GSE1: variants seen among roughly 807,000 people sequenced by gnomAD.
GSE1 encodes the protein Gse1 coiled-coil protein, also known as genetic suppressor element 1.
GSE1 carries 32 observed loss-of-function variants against 112.6 expected under a neutral mutation model. That is an observed-to-expected ratio of 0.28 (90% CI 0.21 to 0.38). The LOEUF (loss-of-function observed/expected upper bound fraction) is 0.38. Among genes scored for constraint, GSE1 ranks in the 10% least tolerant of loss-of-function variants. The pLI is 1.00. For missense variants in GSE1, 2,348 were observed against 1,699.2 expected (o/e 1.38, Z -6.71); for synonymous variants, 1,115 against 735.6 (o/e 1.52, Z -8.35).
chr16:85,526,556 G>A (rs1342005279), intron 2 of GSE1, among the ~76,000 whole-genome samples: 1 of 152,238 alleles, frequency 6.6e-6, no homozygotes, highest in African/African-American at 2.4e-5. Flanking sequence ...AGCCGGGCAG[G>A]CCAAAGGGAC....
At chr16:85,231,494 G>A (rs1314896927) in intron 1 of GSE1, among the ~76,000 whole-genome samples, 1 of 152,200 alleles carries the variant, frequency 6.6e-6, no homozygotes, top group Admixed American at 6.5e-5. Context: ...ATGGATGGAC[G>A]GAGGGATGGA....
In GSE1 at chr16:85,617,607, C is replaced by T. The variant is rs956904397; in HGVS notation, c.7+4209C>T. 1.2e-4 allele frequency among the ~76,000 whole-genome samples: 14 copies of T among 112,220 alleles called. 2 individuals carry two copies. The highest frequency in any genetic ancestry group is 7.4e-4 in the East Asian group (3 of 4,048). 73.6% of individuals were successfully genotyped at this position (112,220 alleles called of 152,430 possible). ...CCGTGTGTCAACCCTCCCCCCCCCC[C>T]CCCCGTTAACTGCCACGTGCAGCCC... is the stretch of plus-strand genomic sequence containing the variant. On this transcript the variant is annotated intron_variant, in intron 1 of 15. Transcript: ENST00000253458.
Position 85,539,984 on chromosome 16 carries a change from C to T in GSE1, c.2465-93930C>T, listed in dbSNP as rs1049382999. On this transcript the variant is annotated intron_variant, in intron 2 of 2. Transcript: ENST00000637419. ...ATGATTTCCTCTTCTCTGCAGACAG[C>T]TGCAGGCTCGTCTTTTATTTTATAT... Among the ~76,000 whole-genome samples the T allele has an allele frequency of 2.6e-5, 4 of 152,322 alleles. No individual in the cohort carries two copies. In the East Asian group the frequency reaches 7.7e-4, roughly 29 times the overall value.
upstream of GSE1, chr16:85,611,411 C>G (rs2151536427): frequency 1.0e-6 from 1 of 960,020 alleles, no homozygotes. Context: ...GCCGAGCCAC[C>G]GTGTGGTGCG....
chr16:85,181,684 G>C (rs1470261148), intron 1 of GSE1, among the ~76,000 whole-genome samples: 1 of 152,222 alleles, frequency 6.6e-6, no homozygotes, highest in Non-Finnish European at 1.5e-5. Flanking sequence ...TTGTGTGGGG[G>C]AGTGACAGTG....
intron 1 of GSE1, among the ~76,000 whole-genome samples, chr16:85,312,328 C>T (rs780495475): frequency 5.3e-5 from 8 of 151,968 alleles, no homozygotes; most frequent in Non-Finnish European, 7.4e-5. Context: ...CACGGTTCTG[C>T]AGGCCAGGAG....
In GSE1 at chr16:85,634,562, T is replaced by A. The variant is rs531831374; in HGVS notation, c.226+430T>A. ...TCCAGAAGTGGCAGAGAACATGGTGTCCCTGGAAACACAGTGGTCTGGAGC... is the reference window on the plus strand; with the variant it reads ...TCCAGAAGTGGCAGAGAACATGGTGACCCTGGAAACACAGTGGTCTGGAGC... On this transcript the variant is annotated intron_variant, in intron 2 of 15. Coordinates refer to ENST00000253458, the MANE Select transcript of GSE1 (RefSeq NM_014615.5). Among the ~76,000 whole-genome samples, 89 of 152,234 alleles carry A rather than the reference T, an allele frequency of 5.8e-4. 1 individual carries two copies. The South Asian group carries it at 0.018, about 30-fold the overall frequency.
rs560061724 is a variant in GSE1, at chr16:85,356,112, G to A, written c.2284-1351G>A. ...CCTGCAGTGTGGACTGAGTTCATCCGTATAGTTATAACTGGTAGTTGGTCA... is the reference window on the plus strand; with the variant it reads ...CCTGCAGTGTGGACTGAGTTCATCCATATAGTTATAACTGGTAGTTGGTCA... On this transcript the variant is annotated intron_variant, in intron 1 of 2. Coordinates refer to the GSE1 transcript ENST00000637419. 5.3e-4 allele frequency among the ~76,000 whole-genome samples: 80 copies of A among 152,336 alleles called. 1 individual carries two copies. Among genetic ancestry groups the A allele is most frequent in the East Asian group, 1.5e-3 (8 of 5,190 alleles).
At chr16:85,263,731 C>A (rs1324186588) in intron 1 of GSE1, among the ~76,000 whole-genome samples, 1 of 152,124 alleles carries the variant, frequency 6.6e-6, no homozygotes, top group Non-Finnish European at 1.5e-5. Context: ...GGACACCACA[C>A]CCAGCTAATT....
chr16:85,231,279 A>G (rs190552409), intron 1 of GSE1, among the ~76,000 whole-genome samples: 7 of 151,372 alleles, frequency 4.6e-5, no homozygotes, highest in South Asian at 4.2e-4. Context: ...AGATGAATGG[A>G]TGGATGAAAG....
intron 2 of GSE1, among the ~76,000 whole-genome samples, chr16:85,515,337 C>T (rs561302742): frequency 6.6e-6 from 1 of 152,350 alleles, no homozygotes; most frequent in African/African-American, 2.4e-5. Flanking sequence ...CCTGAGGCTC[C>T]TCCTGCCAGC....
Position 85,654,878 on chromosome 16 carries a change from C to G in GSE1, c.684C>G (p.Thr228=), listed in dbSNP as rs142285041. 2.5e-6 allele frequency: 4 copies of G among 1,611,312 alleles called. No homozygotes were observed. In the African/African-American group the frequency reaches 4.0e-5, roughly 16 times the overall value. ...GAAGCTTCCGGCCCTACCACACCAC[C>G]GACGACCTCCGCATGTCCTCACTGC... ...YLRSFRPYHT[T]DDLRMSSLPP... The change falls in exon 5 of 16, where the codon ACC becomes ACG. Residue 228 remains threonine, a synonymous_variant. Coordinates refer to ENST00000253458, the MANE Select transcript of GSE1 (RefSeq NM_014615.5).
intron 5 of GSE1, 103 bp downstream of exon 5, chr16:85,655,094 C>T: frequency 1.3e-6 from 1 of 791,038 alleles, no homozygotes. Flanking sequence ...AGCCAGGCTC[C>T]TAGGGGAGGG....
intron 2 of GSE1, among the ~76,000 whole-genome samples, chr16:85,505,134 G>A (rs1158569229): frequency 6.6e-6 from 1 of 152,154 alleles, no homozygotes; most frequent in Non-Finnish European, 1.5e-5. Flanking sequence ...TGGCCCTGTC[G>A]TGTGCCTAGG....
At chr16:85,578,967 C>G (rs750622213) in intron 1 of GSE1, among the ~76,000 whole-genome samples, 1 of 152,148 alleles carries the variant, frequency 6.6e-6, no homozygotes, top group Non-Finnish European at 1.5e-5. Flanking sequence ...TCTGTGGCAT[C>G]CTGATGCTGG....
At chr16:85,276,203 C>G (rs1053010828) in intron 1 of GSE1, among the ~76,000 whole-genome samples, 1 of 152,242 alleles carries the variant, frequency 6.6e-6, no homozygotes, top group Non-Finnish European at 1.5e-5. Flanking sequence ...TGCGGCGCAG[C>G]TGGAAGACCC....
intron 1 of GSE1, among the ~76,000 whole-genome samples, chr16:85,590,437 G>C (rs1388551662): frequency 6.6e-6 from 1 of 151,696 alleles, no homozygotes; most frequent in African/African-American, 2.4e-5. Context: ...GTGTGAATGA[G>C]TGTGAGCATG....
chr16:85,537,732 GC>G (rs1393294427), intron 2 of GSE1, among the ~76,000 whole-genome samples: 1 of 152,264 alleles, frequency 6.6e-6, no homozygotes, highest in Non-Finnish European at 1.5e-5. Context: ...GGCCGAAGAG[GC>G]CCTGGCGAGA....
chr16:85,659,077 G>A (rs1460507834), intron 8 of GSE1, among the ~76,000 whole-genome samples: 1 of 152,206 alleles, frequency 6.6e-6, no homozygotes, highest in Non-Finnish European at 1.5e-5. Context: ...TCTCCTGCAG[G>A]TTTCATTCCC....
Sources: allele counts gnomAD v4.1 joint callset (sites outside exome capture counted in the v4.1 genomes callset), GRCh38; gene constraint gnomAD v4.1.1; transcripts MANE v1.5; gene names NCBI Gene and HGNC (gene_info 2026-07-23, HGNC 2026-07-21).